The following DNAH11 variants were observed in gnomAD, a reference collection of about 807,000 sequenced individuals.
DNAH11 encodes dynein axonemal heavy chain 11.
DNAH11 carries 442 observed loss-of-function variants against 526.0 expected under a neutral mutation model. The ratio of observed to expected loss-of-function variants is 0.84; its 90% CI spans 0.78 to 0.91. DNAH11 has a LOEUF of 0.91. DNAH11 is among the 40% of genes least tolerant of loss of function. The probability of loss-of-function intolerance (pLI) is 0.00; values close to 1 mark genes in which losing one functional copy is unlikely to be tolerated. For synonymous variants in DNAH11, 2,461 were observed against 1,935.9 expected (o/e 1.27, Z -7.12); for missense variants, 6,989 against 5,448.7 (o/e 1.28, Z -8.90).
At chr7:21,808,582 C>G (rs1789375404) in intron 63 of DNAH11, among the ~76,000 whole-genome samples, 1 of 152,198 alleles carries the variant, frequency 6.6e-6, no homozygotes, top group Non-Finnish European at 1.5e-5. Flanking sequence ...TCATTCTACT[C>G]TCTACCTCCA....
In DNAH11 at chr7:21,801,329, G is replaced by A. The variant is rs115760995; in HGVS notation, c.10165+54G>A. On this transcript the variant is annotated intron_variant, in intron 62 of 81. Coordinates refer to ENST00000409508, the MANE Select transcript of DNAH11 (RefSeq NM_001277115.2). ...CTAAAATGTTCAGATCAGCTTGTGG[G>A]GATTTTATTATTTGCCATCAATAAT... 2.8e-3 allele frequency: 4,485 copies of A among 1,596,118 alleles called. 100 individuals carry two copies. The African/African-American group carries it at 0.051, about 18-fold the overall frequency.
At chr7:21,788,318 G>C (rs1244818821) in intron 60 of DNAH11, among the ~76,000 whole-genome samples, 3 of 152,166 alleles carry the variant, frequency 2.0e-5, no homozygotes. Flanking sequence ...CATAAAGCCA[G>C]GTTATTTCCT....
Position 21,571,861 on chromosome 7 carries a change from G to C in DNAH11, c.1481G>C (p.Gly494Ala). 6.2e-7 allele frequency: 1 copy of C among 1,612,992 alleles called. No homozygotes were observed. Among genetic ancestry groups the C allele is most frequent in the Non-Finnish European group, 8.5e-7 (1 of 1,179,476 alleles). The part of the protein sequence containing the change: ...FEKLERLEFG[G>A]TKGAILNGQV... ...AAGCTGGAAAGACTGGAATTTGGTGGTACCAAAGGAGCAATTTTAAATGGA... is the reference window on the plus strand; with the variant it reads ...AAGCTGGAAAGACTGGAATTTGGTGCTACCAAAGGAGCAATTTTAAATGGA... The change falls in exon 8 of 82, where the codon GGT (glycine) becomes GCT (alanine). Residue 494 changes from glycine (G) to alanine (A), a missense_variant. Coordinates refer to ENST00000409508, the MANE Select transcript of DNAH11 (RefSeq NM_001277115.2).
At chr7:21,893,116 T>C (rs992124908) in intron 77 of DNAH11, among the ~76,000 whole-genome samples, 3 of 152,236 alleles carry the variant, frequency 2.0e-5, no homozygotes, top group Admixed American at 6.5e-5. Flanking sequence ...TTTATAGAAA[T>C]ATCACAACCA....
At chr7:21,736,958 A>G (rs1465595515) in intron 46 of DNAH11, among the ~76,000 whole-genome samples, 1 of 152,258 alleles carries the variant, frequency 6.6e-6, no homozygotes, top group Non-Finnish European at 1.5e-5. Flanking sequence ...TAAATGGAAG[A>G]TTAAGCTACA....
chr7:21,627,037 A>G (rs1258387637), intron 25 of DNAH11, among the ~76,000 whole-genome samples: 1 of 152,090 alleles, frequency 6.6e-6, no homozygotes, highest in Non-Finnish European at 1.5e-5. Context: ...CATAATCCAC[A>G]GCGCCCGGCC....
rs4722064 is a variant in DNAH11 at position 21,854,375 on chromosome 7, G to T, written c.11122G>T (p.Val3708Leu). 0.64 allele frequency: 1,032,692 copies of T among 1,613,110 alleles called. 339,412 individuals are homozygous for T. Among genetic ancestry groups the T allele is most frequent in the Non-Finnish European group, 0.69 (812,513 of 1,179,560 alleles). ...CGAGGCCCGAGAATGTTACAGACCA[G>T]TGGCAGCAAGAGCATCTCTTCTTTA... is the stretch of plus-strand genomic sequence containing the variant. The part of the protein sequence containing the change: ...INEARECYRP[V>L]AARASLLYFV... Residue 3708 changes from valine (V) to leucine (L), a missense_variant, in exon 68 of 82, where the codon GTG becomes TTG. Coordinates refer to ENST00000409508, the MANE Select transcript of DNAH11 (RefSeq NM_001277115.2).
In DNAH11 at chr7:21,786,759, A is replaced by C; in HGVS notation, c.9733A>C (p.Met3245Leu). ...DRSWKAAKVF[M>L]GKVDDFLQAL... Reference sequence around the variant, plus strand: ...AAGTTGGAAAGCAGCTAAAGTCTTCATGGGAAAGGTATCAGCCCAGCCTGG... The same window carrying C: ...AAGTTGGAAAGCAGCTAAAGTCTTCCTGGGAAAGGTATCAGCCCAGCCTGG... Residue 3245 changes from methionine to leucine, a missense_variant, in exon 59 of 82, where the codon ATG becomes CTG. Coordinates refer to ENST00000409508, the MANE Select transcript of DNAH11 (RefSeq NM_001277115.2). 6.2e-7 allele frequency: 1 copy of C among 1,613,782 alleles called. No individual in the cohort carries two copies. Among genetic ancestry groups the C allele is most frequent in the Middle Eastern group, 1.7e-4 (1 of 6,060 alleles).
intron 73 of DNAH11, among the ~76,000 whole-genome samples, chr7:21,870,106 A>G (rs932175257): frequency 6.6e-6 from 1 of 152,184 alleles, no homozygotes; most frequent in African/African-American, 2.4e-5. Flanking sequence ...TCTCTATATA[A>G]AGATGAGAAA....
Position 21,635,946 on chromosome 7 carries a change from T to A in DNAH11, c.4576T>A (p.Leu1526Ile), listed in dbSNP as rs199559539. ...GCAAGTGTTAAGCTGGCAAAATAAA[T>A]TAAACATAGCAGACTTGGTCATCTT... ...IEQVLSWQNKLNIADLVIFTW... is the reference protein window; with the variant it reads ...IEQVLSWQNKINIADLVIFTW... Residue 1526 changes from leucine (L) to isoleucine (I), a missense_variant, in exon 26 of 82, where the codon TTA becomes ATA. By Grantham distance (5) the Leu-to-Ile change is conservative. Transcript: ENST00000409508. The A allele has an allele frequency of 6.2e-7, 1 of 1,613,446 alleles. No individual in the cohort carries two copies.
At chr7:21,815,734 G>C (rs759112449) in intron 63 of DNAH11, among the ~76,000 whole-genome samples, 5 of 152,138 alleles carry the variant, frequency 3.3e-5, no homozygotes, top group Admixed American at 6.6e-5. Flanking sequence ...TTGATGACTG[G>C]CGGAGTGAAC....
chr7:21,873,658 G>T (rs898673845), intron 74 of DNAH11, among the ~76,000 whole-genome samples, 157 bp downstream of exon 74: 3 of 151,914 alleles, frequency 2.0e-5, no homozygotes, highest in Admixed American at 2.0e-4. Context: ...TTAATCTCTT[G>T]AAAGAATTGC....
chr7:21,892,780 C>A, intron 77 of DNAH11, 113 bp downstream of exon 77: 1 of 1,186,432 alleles, frequency 8.4e-7, no homozygotes, highest in Non-Finnish European at 1.2e-6. Context: ...TTTACTCATA[C>A]AACCACCACC....
Position 21,808,066 on chromosome 7 carries a change from A to G in DNAH11, c.10332+17A>G. The G allele has an allele frequency of 7.0e-7, 1 of 1,434,892 alleles. No homozygotes were observed. The highest frequency in any genetic ancestry group is 9.3e-7 in the Non-Finnish European group (1 of 1,076,464). 88.9% of individuals were successfully genotyped at this position (1,434,892 alleles called of 1,614,324 possible). On this transcript the variant is annotated intron_variant, in intron 63 of 81. Transcript: ENST00000409508. ...CAACAGAAGGTAAGTTCAGTTCCTT[A>G]CCTTGTCAGCAGGTAGAAAGATCAC...
intron 12 of DNAH11, among the ~76,000 whole-genome samples, chr7:21,590,075 T>C (rs1330814164): frequency 2.0e-5 from 3 of 152,294 alleles, no homozygotes; most frequent in Non-Finnish European, 4.4e-5. Flanking sequence ...TGGTAAGTCA[T>C]GTAACAAAGG....
intron 81 of DNAH11, 64 bp from the exon 82 acceptor site, chr7:21,900,943 T>TGATCATTATCATTAACA (rs1219653810): frequency 5.2e-5 from 1 of 19,126 alleles, no homozygotes; most frequent in Admixed American, 2.8e-4. Context: ...TCAAACAACT[T>TGATCATTATCATTAACA]ACTTGATCAT....
intron 65 of DNAH11, among the ~76,000 whole-genome samples, chr7:21,833,611 C>T (rs936313225): frequency 1.3e-5 from 2 of 152,120 alleles, no homozygotes; most frequent in South Asian, 4.1e-4. Context: ...AGGAGAATCG[C>T]TTGAACCCAG....
chr7:21,866,706 A>T, intron 71 of DNAH11, 43 bp downstream of exon 71: 1 of 1,556,906 alleles, frequency 6.4e-7, no homozygotes, highest in Non-Finnish European at 8.7e-7. Context: ...TAGTTAACAT[A>T]GAGGAAATGT....
At chr7:21,705,739 G>A (rs913722943) in intron 39 of DNAH11, among the ~76,000 whole-genome samples, 15 of 152,122 alleles carry the variant, frequency 9.9e-5, no homozygotes, top group African/African-American at 3.6e-4. Flanking sequence ...GGGAGAACAA[G>A]AAACAAATAG....
Sources: gnomAD v4.1 joint callset for allele counts (sites outside exome capture counted in the v4.1 genomes callset) on GRCh38, gnomAD v4.1.1 for gene constraint, MANE v1.5 for transcripts, NCBI Gene and HGNC (gene_info 2026-07-23, HGNC 2026-07-21) for gene names.